The following PPM1E variants were observed in gnomAD, a reference collection of about 807,000 sequenced individuals.
PPM1E encodes protein phosphatase 1E.
A neutral mutation model predicts 65.9 loss-of-function variants in PPM1E; 20 were observed. The observed-to-expected ratio is 0.30, with a 90% CI of 0.21 to 0.44. PPM1E has a LOEUF of 0.44. Ranked by LOEUF, PPM1E falls within the 20% of genes least tolerant of loss-of-function variation. PPM1E has a pLI of 1.00. For missense variants in PPM1E, 713 were observed against 953.1 expected, an observed-to-expected ratio of 0.75 and a Z score of 3.32; for synonymous variants, 352 against 374.9, an observed-to-expected ratio of 0.94 and a Z score of 0.70.
At chr17:58,885,346 C>T (rs190233674) in intron 1 of PPM1E, among the ~76,000 whole-genome samples, 6 of 152,310 alleles carry the variant, frequency 3.9e-5, no homozygotes, top group Admixed American at 1.3e-4. Flanking sequence ...CATGAGCCAC[C>T]GTGCCCAGCC....
chr17:58,880,424 C>T (rs539059256), intron 1 of PPM1E, among the ~76,000 whole-genome samples: 1 of 152,260 alleles, frequency 6.6e-6, no homozygotes, highest in South Asian at 2.1e-4. Flanking sequence ...CAGAATTTTA[C>T]ACCAAAGATG....
intron 1 of PPM1E, among the ~76,000 whole-genome samples, chr17:58,948,782 T>C (rs2052197605): frequency 6.6e-6 from 1 of 152,230 alleles, no homozygotes; most frequent in Non-Finnish European, 1.5e-5. Flanking sequence ...ATTGGTTGTT[T>C]AGGAGCATGT....
chr17:58,945,987 G>A (rs905148930), intron 1 of PPM1E, among the ~76,000 whole-genome samples: 63 of 152,108 alleles, frequency 4.1e-4, no homozygotes, highest in African/African-American at 1.4e-3. Flanking sequence ...TAATTATTAA[G>A]TCAATCTCCC....
intron 1 of PPM1E, among the ~76,000 whole-genome samples, chr17:58,905,435 A>G (rs960945889): frequency 2.6e-5 from 4 of 152,126 alleles, no homozygotes; most frequent in Non-Finnish European, 5.9e-5. Flanking sequence ...AATTTTATCA[A>G]GTGCTTTTTC....
intron 1 of PPM1E, among the ~76,000 whole-genome samples, chr17:58,836,260 T>C (rs1333994035): frequency 2.0e-5 from 3 of 152,022 alleles, no homozygotes; most frequent in Non-Finnish European, 4.4e-5. Flanking sequence ...ATTAAAATTC[T>C]TTCAGGAAAA....
chr17:58,844,758 A>G (rs1175290158), intron 1 of PPM1E, among the ~76,000 whole-genome samples: 2 of 152,212 alleles, frequency 1.3e-5, no homozygotes, highest in African/African-American at 2.4e-5. Context: ...GATATCAGCA[A>G]TCAATCTTTA....
chr17:58,898,601 C>T (rs1383674820), intron 1 of PPM1E, among the ~76,000 whole-genome samples: 13 of 152,090 alleles, frequency 8.5e-5, no homozygotes, highest in East Asian at 1.9e-4. Context: ...GACAGTGTGA[C>T]GATTCCTCAA....
At chr17:58,968,928 T>A (rs2030425813) in intron 3 of PPM1E, among the ~76,000 whole-genome samples, 1 of 152,136 alleles carries the variant, frequency 6.6e-6, no homozygotes, top group South Asian at 2.1e-4. Context: ...GTGGTTCAAG[T>A]TTGGTAAACT....
chr17:58,875,757 T>C (rs1026871633), intron 1 of PPM1E, among the ~76,000 whole-genome samples: 1 of 152,134 alleles, frequency 6.6e-6, no homozygotes, highest in Admixed American at 6.5e-5. Flanking sequence ...TGTAATTAAG[T>C]CTGTTTTAGT....
rs2030200898 is a variant in PPM1E, at chr17:58,965,714, G to T, written c.604G>T (p.Ala202Ser). ...CACAGAGATTGAGACAGTGAAATTG[G>T]CCCGTTCTGTCTTCAGCAAACTACA... ...GTVEIETVKL[A>S]RSVFSKLHEI... The change falls in exon 3 of 7, where the codon GCC (alanine) becomes TCC (serine). Residue 202 changes from alanine (A) to serine (S), a missense_variant. Ala to Ser is a moderately conservative substitution (Grantham distance 99). Around this residue, in one of 6 missense-constraint regions of PPM1E, gnomAD observed 84 missense variants for 113.9 expected, o/e 0.74. Coordinates refer to ENST00000308249, the MANE Select transcript of PPM1E (RefSeq NM_014906.5). The T allele has an allele frequency of 6.2e-7, 1 of 1,614,054 alleles. No individual in the cohort carries two copies. Among genetic ancestry groups the T allele is most frequent in the Non-Finnish European group, 8.5e-7 (1 of 1,179,986 alleles).
intron 1 of PPM1E, among the ~76,000 whole-genome samples, chr17:58,798,298 G>A (rs985486051): frequency 4.8e-5 from 7 of 145,408 alleles, no homozygotes; most frequent in South Asian, 2.2e-4. Flanking sequence ...GTACAATCTC[G>A]GCTTGCTGCA....
intron 1 of PPM1E, among the ~76,000 whole-genome samples, chr17:58,785,785 G>T (rs1250243235): frequency 6.6e-6 from 1 of 151,858 alleles, no homozygotes; most frequent in Admixed American, 6.6e-5. Context: ...ACACGTTTCA[G>T]TTCATGTTTT....
intron 1 of PPM1E, among the ~76,000 whole-genome samples, chr17:58,849,278 C>T (rs933886874): frequency 6.6e-6 from 1 of 152,120 alleles, no homozygotes; most frequent in Admixed American, 6.5e-5. Context: ...TCCTTCAATT[C>T]TGCTCTGATC....
chr17:58,827,657 C>T (rs2050552921), intron 1 of PPM1E, among the ~76,000 whole-genome samples: 1 of 151,672 alleles, frequency 6.6e-6, no homozygotes, highest in Admixed American at 6.6e-5. Flanking sequence ...AATCCCAGCA[C>T]TTTGGGAGGC....
chr17:58,855,132 G>A (rs891073813), intron 1 of PPM1E, among the ~76,000 whole-genome samples: 1 of 152,122 alleles, frequency 6.6e-6, no homozygotes, highest in East Asian at 1.9e-4. Flanking sequence ...GTGAATATGC[G>A]AGAAAAATCC....
chr17:58,869,330 T>A (rs956181143), intron 1 of PPM1E, among the ~76,000 whole-genome samples: 6 of 152,232 alleles, frequency 3.9e-5, no homozygotes, highest in African/African-American at 1.4e-4. Flanking sequence ...GAATTTCATG[T>A]TGAAATTTGA....
chr17:58,967,517 T>TAG lies in PPM1E; in HGVS notation c.783+1625_783+1626insGA, dbSNP rs1234465821. 3.1e-3 allele frequency among the ~76,000 whole-genome samples: 468 copies of TAG among 149,446 alleles called. 2 individuals carry two copies. Among genetic ancestry groups the TAG allele is most frequent in the East Asian group, 0.027 (136 of 5,096 alleles). On this transcript the variant is annotated intron_variant, in intron 3 of 6. Coordinates refer to ENST00000308249, the MANE Select transcript of PPM1E (RefSeq NM_014906.5). ...TTATATATATGTGTATATATATATA[T>TAG]ATAGAGAGAGAGAGAGAGAGAGAGG... is the stretch of plus-strand genomic sequence containing the variant.
intron 1 of PPM1E, among the ~76,000 whole-genome samples, chr17:58,775,261 T>C (rs1257867826): frequency 6.6e-6 from 1 of 152,174 alleles, no homozygotes; most frequent in East Asian, 1.9e-4. Context: ...TTAATCCTCA[T>C]GACAACTAAA....
In PPM1E at chr17:58,977,351, G is replaced by GAGA. The variant is rs113237583; in HGVS notation, c.1211-2621_1211-2619dup. ...CCAGCTACTTGGGAGGCTGAGGCAG[G>GAGA]AGAATTGCTTGAATCCGGGAGGTGG... On this transcript the variant is annotated intron_variant, in intron 6 of 6. Transcript: ENST00000308249. Among the ~76,000 whole-genome samples, 1,375 of 151,608 alleles carry GAGA rather than the reference G, an allele frequency of 9.1e-3. 24 individuals are homozygous for GAGA. Among genetic ancestry groups the GAGA allele is most frequent in the African/African-American group, 0.031 (1,273 of 41,300 alleles).
Sources: allele counts gnomAD v4.1 joint callset (sites outside exome capture counted in the v4.1 genomes callset), GRCh38; gene constraint gnomAD v4.1.1; regional missense constraint gnomAD v4.1.1; transcripts MANE v1.5; gene names NCBI Gene and HGNC (gene_info 2026-07-23, HGNC 2026-07-21).